The following TARS3 variants were observed in gnomAD, a reference collection of about 807,000 sequenced individuals.
The protein encoded by TARS3 is threonine--tRNA ligase 2, cytoplasmic.
A neutral mutation model predicts 103.5 loss-of-function variants in TARS3; 94 were observed. The ratio of observed to expected loss-of-function variants is 0.91; its 90% CI spans 0.77 to 1.08. The LOEUF is 1.08. TARS3 is among the 50% of genes least tolerant of loss of function. The pLI, the probability that TARS3 is intolerant of heterozygous loss-of-function variation, is 0.00. For missense variants in TARS3, 952 were observed against 995.2 expected (o/e 0.96, Z 0.58); for synonymous variants, 416 against 355.4 (o/e 1.17, Z -1.92).
At position 101,702,244 on chromosome 15, in the gene TARS3, C is replaced by T. The variant is rs767457869; in HGVS notation, c.1216G>A (p.Gly406Arg). ...EAKNRDHRKI[G>R]KEQELFFFHD... ...GATTAAGATGTGGGGCATACCTTCC[C>T]GATCTTCCTGTGATCTCGGTTCTTT... The change falls in exon 9 of 19, where the codon GGG becomes AGG. Residue 406 changes from glycine (G) to arginine (R), a missense_variant. This residue lies in a region of TARS3 where 540 missense variants were observed against 631.0 expected (regional missense o/e 0.86). Transcript: ENST00000335968. The T allele has an allele frequency of 6.8e-6, 11 of 1,614,130 alleles. No individual in the cohort carries two copies. Among genetic ancestry groups the T allele is most frequent in the Non-Finnish European group, 9.3e-6 (11 of 1,180,024 alleles).
rs1897100677 is a variant in TARS3 at position 101,653,875 on chromosome 15, AAC to A, written c.*705_*706del. On this transcript the variant is annotated 3_prime_UTR_variant, in exon 19 of 19. Coordinates refer to ENST00000335968, the MANE Select transcript of TARS3 (RefSeq NM_152334.3). ...TGGAATGTCATCCCATCAAAAAAGT[AAC>A]AACTCTAGGTGAGCGGCTTAGTGGT... 1 of 152,274 alleles carries A rather than the reference AAC, an allele frequency of 6.6e-6. No individual in the cohort carries two copies. Among genetic ancestry groups the A allele is most frequent in the Non-Finnish European group, 1.5e-5 (1 of 68,052 alleles). The allele number at this position is 152,274 out of a possible 1,614,324, so 9.4% of individuals were successfully genotyped here. A position where few individuals can be genotyped will look rare whatever the true frequency, so the allele number is the denominator to read the frequency against.
rs1337852252 is a variant in TARS3, at chr15:101,721,173, T to C, written c.519A>G (p.Gln173=). 1.9e-6 allele frequency: 3 copies of C among 1,612,808 alleles called. No individual in the cohort carries two copies. The highest frequency in any genetic ancestry group is 2.5e-6 in the Non-Finnish European group (3 of 1,178,998). The change falls in exon 3 of 19, where the codon CAA becomes CAG. Residue 173 remains glutamine, a synonymous_variant. Transcript: ENST00000335968. ...AAGGCGTTGTTTTCCAGACTTCCCC[T>C]TGCACTGTTTGCCCATCAGCCACTC... is the stretch of plus-strand genomic sequence containing the variant. The part of the protein sequence containing the change: ...TVRVADGQTV[Q]GEVWKTTPYQ...
At chr15:101,693,265 G>C (rs752955141) in intron 10 of TARS3, among the ~76,000 whole-genome samples, 1 of 152,090 alleles carries the variant, frequency 6.6e-6, no homozygotes, top group East Asian at 1.9e-4. Context: ...CATGGCTGGT[G>C]GGGGGGCCTC....
At chr15:101,654,853 G>T in intron 18 of TARS3, 123 bp from the exon 19 acceptor site, 1 of 914,418 alleles carries the variant, frequency 1.1e-6, no homozygotes, top group Non-Finnish European at 1.7e-6. Flanking sequence ...CATCTAATGA[G>T]CATTTGGTTC....
At chr15:101,688,332 C>T (rs1212807264) in intron 10 of TARS3, among the ~76,000 whole-genome samples, 6 of 152,202 alleles carry the variant, frequency 3.9e-5, no homozygotes, top group Middle Eastern at 3.4e-3. Flanking sequence ...TGTCTCATGC[C>T]ATGCCATTAA....
chr15:101,692,930 G>A (rs1327045214), intron 10 of TARS3, among the ~76,000 whole-genome samples: 1 of 152,158 alleles, frequency 6.6e-6, no homozygotes. Context: ...CTAAGGTTGT[G>A]TGAAGAGGAA....
chr15:101,722,498 GT>G, intron 2 of TARS3, among the ~76,000 whole-genome samples: 1 of 142,670 alleles, frequency 7.0e-6, no homozygotes, highest in Admixed American at 7.1e-5. Context: ...AAAGTAGCTA[GT>G]TTCTCGAATA....
In TARS3 at chr15:101,671,714, G is replaced by T; in HGVS notation, c.1823C>A (p.Pro608Gln). The change falls in exon 14 of 19, where the codon CCG becomes CAG. Residue 608 changes from proline to glutamine, a missense_variant. Pro to Gln is a moderately conservative substitution (Grantham distance 76, BLOSUM62 -1). This residue lies in a region of TARS3 where 540 missense variants were observed against 631.0 expected (regional missense o/e 0.86). Transcript: ENST00000335968. Reference protein sequence around the residue: ...LQNSLMDFGEPWKMNPGDGAF... With the variant: ...LQNSLMDFGEQWKMNPGDGAF... ...TCCATCTCCTGGGTTCATTTTCCAC[G>T]GTTCTCCAAAGTCCATCAAGCTGTT... is the stretch of plus-strand genomic sequence containing the variant. 3 of 1,613,886 alleles carry T rather than the reference G, an allele frequency of 1.9e-6. No homozygotes were observed. The highest frequency in any genetic ancestry group is 1.1e-5 in the South Asian group (1 of 91,078).
chr15:101,682,293 A>C (rs1358048508), intron 12 of TARS3, among the ~76,000 whole-genome samples: 5 of 152,208 alleles, frequency 3.3e-5, no homozygotes, highest in Admixed American at 1.3e-4. Context: ...AGGTTAAGAA[A>C]GTTCCCTTCC....
intron 10 of TARS3, among the ~76,000 whole-genome samples, chr15:101,687,081 T>C (rs1445614691): frequency 6.6e-6 from 1 of 152,162 alleles, no homozygotes; most frequent in East Asian, 1.9e-4. Flanking sequence ...TGAGCTGCTT[T>C]ACCTATCCTT....
chr15:101,678,240 A>C (rs886637119), intron 12 of TARS3, among the ~76,000 whole-genome samples: 4 of 152,078 alleles, frequency 2.6e-5, no homozygotes, highest in African/African-American at 7.2e-5. Flanking sequence ...AGCCTCCCAA[A>C]GTGCTGGAAT....
intron 2 of TARS3, among the ~76,000 whole-genome samples, chr15:101,722,097 T>C (rs999507683): frequency 3.3e-5 from 5 of 152,132 alleles, no homozygotes; most frequent in Non-Finnish European, 7.4e-5. Flanking sequence ...ACTGTAAGAC[T>C]AAGAGCATGT....
At position 101,676,716 on chromosome 15, in the gene TARS3, A is replaced by G. The variant is rs577415904; in HGVS notation, c.1651-979T>C. 1.1e-4 allele frequency among the ~76,000 whole-genome samples: 16 copies of G among 151,276 alleles called. No individual in the cohort carries two copies. In the South Asian group the frequency reaches 2.9e-3, roughly 28 times the overall value. On this transcript the variant is annotated intron_variant, in intron 12 of 18. Transcript: ENST00000335968. ...GAGAAGGGGTTTCGCCATGTTGGCC[A>G]GGCTGGTCTCGAACTCCTGGCCTCA...
At chr15:101,659,299 A>G (rs1248437751) in intron 16 of TARS3, among the ~76,000 whole-genome samples, 1 of 152,194 alleles carries the variant, frequency 6.6e-6, no homozygotes, top group Non-Finnish European at 1.5e-5. Flanking sequence ...GTGCATATTT[A>G]TATATTTATT....
At position 101,701,104 on chromosome 15, in the gene TARS3, C is replaced by A. The variant is rs367619548; in HGVS notation, c.1302G>T (p.Thr434=). Residue 434 remains threonine (T), a synonymous_variant, in exon 10 of 19, where the codon ACG becomes ACT. Coordinates refer to ENST00000335968, the MANE Select transcript of TARS3 (RefSeq NM_152334.3). ...AACTTACTCGTATGAAATCTGTAAG[C>A]GTATTATAAATGAAGGCTCCTCTGG... ...FLPRGAFIYN[T]LTDFIREEYH... 2 of 1,573,768 alleles carry A rather than the reference C, an allele frequency of 1.3e-6. No individual in the cohort carries two copies. Among genetic ancestry groups the A allele is most frequent in the East Asian group, 2.3e-5 (1 of 43,984 alleles).
intron 12 of TARS3, among the ~76,000 whole-genome samples, chr15:101,679,172 T>C (rs1321743812): frequency 6.6e-6 from 1 of 152,202 alleles, no homozygotes; most frequent in Non-Finnish European, 1.5e-5. Flanking sequence ...TGTAGATGTC[T>C]TTTGCCAAAT....
chr15:101,662,517 A>C (rs577105835), intron 15 of TARS3, among the ~76,000 whole-genome samples: 2 of 152,294 alleles, frequency 1.3e-5, no homozygotes, highest in South Asian at 4.1e-4. Flanking sequence ...AAACAGAGAA[A>C]CCCATTCATT....
At chr15:101,682,638 T>G (rs1160046148) in intron 12 of TARS3, among the ~76,000 whole-genome samples, 1 of 152,180 alleles carries the variant, frequency 6.6e-6, no homozygotes, top group Non-Finnish European at 1.5e-5. Context: ...ACAGCAATAT[T>G]AGCTTCATTA....
intron 12 of TARS3, among the ~76,000 whole-genome samples, chr15:101,676,808 T>C (rs1898046655): frequency 6.6e-6 from 1 of 151,864 alleles, no homozygotes; most frequent in South Asian, 2.1e-4. Context: ...CACCCTTTTT[T>C]TTTTTTTTTT....
Sources: gnomAD v4.1 joint callset for allele counts (sites outside exome capture counted in the v4.1 genomes callset) on GRCh38, gnomAD v4.1.1 for gene constraint, gnomAD v4.1.1 regional missense constraint, MANE v1.5 for transcripts, NCBI Gene and HGNC (gene_info 2026-07-23, HGNC 2026-07-21) for gene names.